The following BRDT variants were observed in gnomAD, a reference collection of about 807,000 sequenced individuals.
The protein encoded by BRDT is bromodomain testis-specific protein.
A neutral mutation model predicts 113.9 loss-of-function variants in BRDT; 77 were observed. The ratio of observed to expected loss-of-function variants is 0.68; its 90% confidence interval spans 0.56 to 0.82. The LOEUF (loss-of-function observed/expected upper bound fraction) is 0.82, where lower values mean the gene tolerates loss of function less well. Ranked by LOEUF, BRDT falls within the 40% of genes least tolerant of loss-of-function variation. The pLI is 0.00. For synonymous variants in BRDT, 358 were observed against 366.5 expected, an observed-to-expected ratio of 0.98 and a Z score of 0.26; for missense variants, 1,027 against 1,105.4, an observed-to-expected ratio of 0.93 and a Z score of 1.01.
intron 17 of BRDT, among the ~76,000 whole-genome samples, chr1:92,004,832 A>G (rs893169875): frequency 6.6e-6 from 1 of 152,264 alleles, no homozygotes; most frequent in African/African-American, 2.4e-5. Flanking sequence ...AAAGATACTA[A>G]TTACTAAATT....
chr1:91,964,999 C>T (rs1327606373), intron 3 of BRDT, among the ~76,000 whole-genome samples: 1 of 151,120 alleles, frequency 6.6e-6, no homozygotes. Context: ...AACCTCTGCC[C>T]CCAGGTTCAA....
intron 4 of BRDT, among the ~76,000 whole-genome samples, chr1:91,968,810 G>C (rs1683327428): frequency 6.6e-6 from 1 of 152,134 alleles, no homozygotes; most frequent in African/African-American, 2.4e-5. Context: ...GGTTAATCAA[G>C]AGTGTAGTAA....
rs568198534 is a variant in BRDT, at chr1:91,977,324, C to T, written c.900C>T (p.Asp300=). 15 of 1,613,790 alleles carry T rather than the reference C, an allele frequency of 9.3e-6. No individual in the cohort carries two copies. Among genetic ancestry groups the T allele is most frequent in the Middle Eastern group, 1.7e-4 (1 of 6,056 alleles). The change falls in exon 6 of 19, where the codon GAC becomes GAT. Residue 300 remains aspartate, a synonymous_variant. Coordinates refer to ENST00000399546, the MANE Select transcript of BRDT (RefSeq NM_207189.4). ...SYAWPFYNPV[D]VNALGLHNYY... is the part of the protein sequence containing the mutation. ...CATGGCCCTTTTATAATCCTGTTGA[C>T]GTTAATGCTTTGGGACTCCATAACT...
chr1:91,994,378 A>G, intron 15 of BRDT, 124 bp downstream of exon 15: 1 of 795,750 alleles, frequency 1.3e-6, no homozygotes, highest in Non-Finnish European at 2.0e-6. Flanking sequence ...CATAACTAGT[A>G]AATTCCAGGT....
intron 7 of BRDT, among the ~76,000 whole-genome samples, chr1:91,979,237 C>G (rs543884722): frequency 6.6e-6 from 1 of 151,534 alleles, no homozygotes; most frequent in Admixed American, 6.6e-5. Context: ...CCTCAGCCAC[C>G]GAAGTAGCTG....
intron 18 of BRDT, among the ~76,000 whole-genome samples, chr1:92,010,571 G>A (rs1157759562): frequency 6.6e-6 from 1 of 152,076 alleles, no homozygotes; most frequent in African/African-American, 2.4e-5. Flanking sequence ...ACAGGCATGA[G>A]CCACCTGCAC....
intron 12 of BRDT, among the ~76,000 whole-genome samples, chr1:91,989,146 A>G (rs918733638): frequency 6.6e-6 from 1 of 152,100 alleles, no homozygotes; most frequent in African/African-American, 2.4e-5. Flanking sequence ...TATGTATTAG[A>G]AAACTAAGGT....
At chr1:91,961,126 T>C (rs1226735060) in intron 1 of BRDT, among the ~76,000 whole-genome samples, 3 of 150,004 alleles carry the variant, frequency 2.0e-5, no homozygotes, top group Non-Finnish European at 4.4e-5. Flanking sequence ...GCTTGGCCAA[T>C]GTAGTGAAAC....
chr1:91,980,702 TAAA>T lies in BRDT; in HGVS notation c.1350_1352del (p.Lys452del). The T allele has an allele frequency of 4.4e-6, 7 of 1,602,370 alleles. No homozygotes were observed. Among genetic ancestry groups the T allele is most frequent in the Non-Finnish European group, 5.9e-6 (7 of 1,177,056 alleles). Reference sequence around the variant, plus strand: ...CCCAAGTACCTTTCCGTAAGCTAAATAAAAAGAAAGAGAAGTCTAAAAAGGAAA... The same window carrying T: ...CCCAAGTACCTTTCCGTAAGCTAAATAAGAAAGAGAAGTCTAAAAAGGAAA... On this transcript the variant is annotated inframe_deletion, in exon 9 of 19. Transcript: ENST00000399546.
At chr1:91,959,423 T>C (rs555613205) in intron 1 of BRDT, among the ~76,000 whole-genome samples, 366 of 148,066 alleles carry the variant, frequency 2.5e-3, no homozygotes, top group African/African-American at 8.5e-3. Context: ...TTCTTTCTTT[T>C]TTTTTTTTTT....
rs2101853512 is a variant in BRDT at position 92,014,342 on chromosome 1, T to C, written c.*68T>C. On this transcript the variant is annotated 3_prime_UTR_variant, in exon 19 of 19. Transcript: ENST00000399546. ...AAAGATCAAAATGCATATGGTAAAA[T>C]GATTGCTTTCAGATAACAAGATACC... 3 of 1,111,076 alleles carry C rather than the reference T, an allele frequency of 2.7e-6. No homozygotes were observed. The highest frequency in any genetic ancestry group is 2.6e-5 in the East Asian group (1 of 39,118). 68.8% of individuals were successfully genotyped at this position (1,111,076 alleles called of 1,614,324 possible). A position where few individuals can be genotyped will look rare whatever the true frequency, so the allele number is the denominator to read the frequency against.
intron 13 of BRDT, among the ~76,000 whole-genome samples, chr1:91,992,025 A>G (rs977190278): frequency 1.4e-5 from 2 of 144,758 alleles, no homozygotes; most frequent in African/African-American, 4.9e-5. Flanking sequence ...AAAAGAAAAG[A>G]AAAAGAAAAG....
intron 1 of BRDT, among the ~76,000 whole-genome samples, chr1:91,956,559 T>C (rs749457321): frequency 2.0e-5 from 3 of 152,172 alleles, no homozygotes; most frequent in Non-Finnish European, 4.4e-5. Context: ...TTTTGGGTAA[T>C]TTAAATTGTT....
At chr1:91,962,546 C>T (rs1682598772) in intron 1 of BRDT, among the ~76,000 whole-genome samples, 172 bp from the exon 2 acceptor site, 1 of 152,060 alleles carries the variant, frequency 6.6e-6, no homozygotes, top group African/African-American at 2.4e-5. Flanking sequence ...ATTGGTCAGG[C>T]TGGTCTCGAA....
At chr1:92,013,647 C>A (rs763236827) in intron 18 of BRDT, among the ~76,000 whole-genome samples, 3 of 152,050 alleles carry the variant, frequency 2.0e-5, no homozygotes, top group Admixed American at 2.0e-4. Flanking sequence ...ACAGCTTTTT[C>A]GTGATTAATA....
chr1:92,003,794 G>C (rs954192925), intron 16 of BRDT, among the ~76,000 whole-genome samples: 1 of 151,936 alleles, frequency 6.6e-6, no homozygotes, highest in African/African-American at 2.4e-5. Context: ...ATAATGCTTT[G>C]GGTATATTTG....
intron 5 of BRDT, among the ~76,000 whole-genome samples, chr1:91,976,818 A>G (rs1245292587): frequency 6.6e-6 from 1 of 152,198 alleles, no homozygotes; most frequent in Non-Finnish European, 1.5e-5. Flanking sequence ...TGCACAAGAC[A>G]TTCTTTGGTA....
intron 4 of BRDT, among the ~76,000 whole-genome samples, chr1:91,969,006 G>A (rs1487196296): frequency 2.0e-5 from 3 of 151,768 alleles, no homozygotes; most frequent in African/African-American, 4.8e-5. Flanking sequence ...GTGCGATCTC[G>A]GCTCACTGCA....
intron 6 of BRDT, among the ~76,000 whole-genome samples, chr1:91,977,755 G>C (rs1264480628): frequency 6.6e-6 from 1 of 150,852 alleles, no homozygotes; most frequent in African/African-American, 2.4e-5. Flanking sequence ...TATCGTTCCA[G>C]CTACTCCAGA....
Sources: allele counts gnomAD v4.1 joint callset (sites outside exome capture counted in the v4.1 genomes callset), GRCh38; gene constraint gnomAD v4.1.1; transcripts MANE v1.5; gene names NCBI Gene and HGNC (gene_info 2026-07-23, HGNC 2026-07-21).